Variants in DNAAF11 observed in about 807,000 individuals in gnomAD.
The protein encoded by DNAAF11 is dynein axonemal assembly factor 11.
DNAAF11 carries 45 observed loss-of-function variants against 60.8 expected under a neutral mutation model. That is an observed-to-expected ratio of 0.74 (90% CI 0.58 to 0.95). The LOEUF (loss-of-function observed/expected upper bound fraction) is 0.95, where lower values mean the gene tolerates loss of function less well. Among genes scored for constraint, DNAAF11 ranks in the 40% least tolerant of loss-of-function variants. DNAAF11 has a pLI of 0.00. For synonymous variants in DNAAF11, 191 were observed against 183.5 expected (o/e 1.04, Z -0.33); for missense variants, 546 against 546.2 (o/e 1.00, Z 0.00).
chr8:132,688,294 G>T, the DNAAF11 span, among the ~76,000 whole-genome samples: 1 of 152,072 alleles, frequency 6.6e-6, no homozygotes, highest in Non-Finnish European at 1.5e-5. Flanking sequence ...TTCCCTGTGG[G>T]GAATATTTTA....
At chr8:132,685,563 C>G in the DNAAF11 span, among the ~76,000 whole-genome samples, 2 of 152,294 alleles carry the variant, frequency 1.3e-5, no homozygotes, top group East Asian at 3.9e-4. Context: ...CTCACGTTGG[C>G]TGGCATCTGC....
chr8:132,594,459 A>G (rs1401223808), intron 10 of DNAAF11, among the ~76,000 whole-genome samples: 1 of 152,218 alleles, frequency 6.6e-6, no homozygotes, highest in Non-Finnish European at 1.5e-5. Flanking sequence ...GTAACATTTG[A>G]GCCCAAACCT....
intron 10 of DNAAF11, among the ~76,000 whole-genome samples, chr8:132,608,750 C>T (rs1299684205): frequency 1.3e-5 from 2 of 152,158 alleles, no homozygotes; most frequent in Non-Finnish European, 2.9e-5. Flanking sequence ...ATAGAATATT[C>T]TGGTTACTAT....
chr8:132,686,715 G>C, the DNAAF11 span, among the ~76,000 whole-genome samples: 1 of 152,102 alleles, frequency 6.6e-6, no homozygotes, highest in African/African-American at 2.4e-5. Context: ...AGAGACCCTG[G>C]AACTTACTTT....
Position 132,572,297 on chromosome 8 carries a change from C to T in DNAAF11, c.*9G>A, listed in dbSNP as rs199552828. The T allele has an allele frequency of 3.7e-6, 6 of 1,610,666 alleles. No homozygotes were observed. Among genetic ancestry groups the T allele is most frequent in the Middle Eastern group, 1.7e-4 (1 of 6,038 alleles). ...TGGGTCTCAGCCAATGGCAACGCAGCCAGATGTTTCAAATCAGCGGAGGCA... is the reference window on the plus strand; with the variant it reads ...TGGGTCTCAGCCAATGGCAACGCAGTCAGATGTTTCAAATCAGCGGAGGCA... On this transcript the variant is annotated 3_prime_UTR_variant, in exon 12 of 12. Transcript: ENST00000620350.
the DNAAF11 span, among the ~76,000 whole-genome samples, chr8:132,690,902 AT>A: frequency 6.1e-3 from 936 of 152,314 alleles, 14 homozygotes; most frequent in African/African-American, 0.022. Flanking sequence ...CATCACGGGT[AT>A]TGGCCACATG....
chr8:132,580,661 A>AC, intron 11 of DNAAF11, among the ~76,000 whole-genome samples: 1 of 152,358 alleles, frequency 6.6e-6, no homozygotes, highest in African/African-American at 2.4e-5. Context: ...AATTAATAAA[A>AC]CATTGGTATG....
intron 8 of DNAAF11, among the ~76,000 whole-genome samples, chr8:132,611,892 AG>A (rs1218003714): frequency 6.6e-6 from 1 of 152,214 alleles, no homozygotes; most frequent in Non-Finnish European, 1.5e-5. Context: ...CCCCAAGATC[AG>A]GTGGCAATTA....
chr8:132,660,632 G>C lies in DNAAF11; in HGVS notation c.178+828C>G, dbSNP rs144430067. 8.1e-4 allele frequency among the ~76,000 whole-genome samples: 123 copies of C among 152,292 alleles called. 4 individuals are homozygous for C. The highest frequency in any genetic ancestry group is 2.9e-3 in the African/African-American group (122 of 41,564). Reference sequence around the variant, plus strand: ...AATTCATCATTCTTCTGTGAGAGAAGTCAAGTGTGGTGGGGGAAGGAAGAC... The same window carrying C: ...AATTCATCATTCTTCTGTGAGAGAACTCAAGTGTGGTGGGGGAAGGAAGAC... On this transcript the variant is annotated intron_variant, in intron 2 of 11. Coordinates refer to ENST00000620350, the MANE Select transcript of DNAAF11 (RefSeq NM_012472.6).
At chr8:132,586,422 T>C (rs1815899832) in intron 10 of DNAAF11, among the ~76,000 whole-genome samples, 1 of 152,210 alleles carries the variant, frequency 6.6e-6, no homozygotes, top group Admixed American at 6.5e-5. Flanking sequence ...AATTTGAATT[T>C]GTTTATTTAG....
At chr8:132,587,096 T>C (rs1318102666) in intron 10 of DNAAF11, among the ~76,000 whole-genome samples, 1 of 152,158 alleles carries the variant, frequency 6.6e-6, no homozygotes, top group Non-Finnish European at 1.5e-5. Context: ...TGGGAGCATA[T>C]GCATAATTAG....
At chr8:132,576,540 T>A (rs1814767793) in intron 11 of DNAAF11, among the ~76,000 whole-genome samples, 3 of 152,118 alleles carry the variant, frequency 2.0e-5, no homozygotes, top group Admixed American at 1.3e-4. Context: ...CTGAAAGGGA[T>A]GTGTTGTTGT....
At chr8:132,594,390 T>C (rs1197898236) in intron 10 of DNAAF11, among the ~76,000 whole-genome samples, 10 of 152,176 alleles carry the variant, frequency 6.6e-5, no homozygotes, top group Non-Finnish European at 7.3e-5. Flanking sequence ...CTGTGACTTA[T>C]AGAGATTGTG....
intron 11 of DNAAF11, among the ~76,000 whole-genome samples, chr8:132,582,807 A>C (rs1175836574): frequency 6.6e-6 from 1 of 152,208 alleles, no homozygotes; most frequent in East Asian, 1.9e-4. Flanking sequence ...TTGTATCACA[A>C]AGATAGTTTG....
In DNAAF11 at chr8:132,611,341, C is replaced by T. The variant is rs375060512; in HGVS notation, c.997G>A (p.Asp333Asn). The T allele has an allele frequency of 1.9e-5, 30 of 1,609,440 alleles. No individual in the cohort carries two copies. In the African/African-American group the frequency reaches 2.3e-4, roughly 12 times the overall value. The change falls in exon 9 of 12, where the codon GAT (aspartate) becomes AAT (asparagine). Residue 333 changes from aspartate to asparagine, a missense_variant. By Grantham distance (23) the Asp-to-Asn change is conservative (BLOSUM62 1). Coordinates refer to ENST00000620350, the MANE Select transcript of DNAAF11 (RefSeq NM_012472.6). ...ACGTAAGTTGGTTGCACATCAACAT[C>T]GATTAAAGAGGTATCCATATACCTT... is the stretch of plus-strand genomic sequence containing the variant. ...VYRYMDTSLIDVDVQPTYVRV... is the reference protein window; with the variant it reads ...VYRYMDTSLINVDVQPTYVRV...
chr8:132,584,640 T>C (rs1815689705), intron 10 of DNAAF11, among the ~76,000 whole-genome samples: 1 of 151,958 alleles, frequency 6.6e-6, no homozygotes, highest in African/African-American at 2.4e-5. Context: ...TGACCTGGAG[T>C]GAGTGTCCAT....
At chr8:132,626,724 C>A (rs1359854523) in intron 5 of DNAAF11, among the ~76,000 whole-genome samples, 1 of 152,102 alleles carries the variant, frequency 6.6e-6, no homozygotes, top group Non-Finnish European at 1.5e-5. Context: ...AGAATAGACA[C>A]TTTATTAGAT....
Position 132,571,261 on chromosome 8 carries a change from A to G in DNAAF11, c.*1045T>C, listed in dbSNP as rs2130920863. ...GTATGTATTTGTCTGCTTTGTTACT[A>G]CTAAATCCCTGATGAACAGAGAGGG... is the stretch of plus-strand genomic sequence containing the variant. On this transcript the variant is annotated 3_prime_UTR_variant, in exon 12 of 12. Coordinates refer to ENST00000620350, the MANE Select transcript of DNAAF11 (RefSeq NM_012472.6). Among the ~76,000 whole-genome samples, 1 of 152,264 alleles carries G rather than the reference A, an allele frequency of 6.6e-6. No homozygotes were observed. The highest frequency in any genetic ancestry group is 2.1e-4 in the South Asian group (1 of 4,820).
the DNAAF11 span, among the ~76,000 whole-genome samples, chr8:132,701,008 T>A: frequency 1.2e-3 from 182 of 152,280 alleles, no homozygotes; most frequent in African/African-American, 4.1e-3. Context: ...TTGCAAGAAC[T>A]TTCTTGCTGT....
Sources: gnomAD v4.1 joint callset for allele counts (sites outside exome capture counted in the v4.1 genomes callset) on GRCh38, gnomAD v4.1.1 for gene constraint, MANE v1.5 for transcripts, NCBI Gene and HGNC (gene_info 2026-07-23, HGNC 2026-07-21) for gene names.